The following IL1RAPL1 variants were observed in gnomAD, a reference collection of about 807,000 sequenced individuals.
The protein encoded by IL1RAPL1 is interleukin-1 receptor accessory protein-like 1.
Under a neutral mutation model 48.4 loss-of-function variants are expected in IL1RAPL1, and 3 were observed. That is an observed-to-expected ratio of 0.06 (90% confidence interval 0.03 to 0.16). The LOEUF (loss-of-function observed/expected upper bound fraction) is 0.16, where lower values mean the gene tolerates loss of function less well. IL1RAPL1 is among the 10% of genes least tolerant of loss of function. The pLI, the probability that IL1RAPL1 is intolerant of heterozygous loss-of-function variation, is 1.00. For synonymous variants in IL1RAPL1, 185 were observed against 187.7 expected (o/e 0.99, Z 0.12); for missense variants, 349 against 530.6 (o/e 0.66, Z 3.36).
At position 29,059,783 on chromosome X, in the gene IL1RAPL1, CACTT is replaced by C. The variant is rs773109750; in HGVS notation, c.83-223154_83-223151del. ...GTTGTGAATGAAATTTTTATTTACT[CACTT>C]GTTGATTTGGGAGAGCTATATGAAC... On this transcript the variant is annotated intron_variant, in intron 2 of 10. Coordinates refer to ENST00000378993, the MANE Select transcript of IL1RAPL1 (RefSeq NM_014271.4). Among the ~76,000 whole-genome samples the C allele has an allele frequency of 2.2e-3, 243 of 111,704 alleles. 1 individual carries two copies. Among genetic ancestry groups the C allele is most frequent in the Admixed American group, 3.8e-3 (40 of 10,520 alleles).
At chrX:28,943,221 C>G (rs1601969311) in intron 2 of IL1RAPL1, among the ~76,000 whole-genome samples, 1 of 104,372 alleles carries the variant, frequency 9.6e-6, no homozygotes, top group African/African-American at 3.5e-5. Context: ...AAACTCATCA[C>G]AGCAAGTGGA....
At chrX:29,610,872 G>A (rs969895316) in intron 5 of IL1RAPL1, among the ~76,000 whole-genome samples, 2 of 112,002 alleles carry the variant, frequency 1.8e-5, no homozygotes, top group African/African-American at 6.5e-5. Context: ...TCTGCACATG[G>A]CTAAGTGTTG....
At chrX:28,726,831 T>C (rs1935682630) in intron 1 of IL1RAPL1, among the ~76,000 whole-genome samples, 1 of 111,533 alleles carries the variant, frequency 9.0e-6, no homozygotes, top group East Asian at 2.8e-4. Flanking sequence ...ACCCCAGAGC[T>C]CTAGTGCCTG....
intron 5 of IL1RAPL1, among the ~76,000 whole-genome samples, chrX:29,550,629 T>A (rs1337874375): frequency 8.9e-6 from 1 of 111,819 alleles, no homozygotes; most frequent in African/African-American, 3.3e-5. Context: ...TGTTGACTTC[T>A]TCACTTAACT....
intron 2 of IL1RAPL1, among the ~76,000 whole-genome samples, chrX:29,047,961 C>G (rs1331793378): frequency 9.0e-6 from 1 of 111,003 alleles, no homozygotes; most frequent in Non-Finnish European, 1.9e-5. Context: ...ACATACCACC[C>G]TTGTATTGGA....
intron 5 of IL1RAPL1, among the ~76,000 whole-genome samples, chrX:29,439,680 A>G (rs1934520112): frequency 9.0e-6 from 1 of 110,850 alleles, no homozygotes; most frequent in African/African-American, 3.3e-5. Flanking sequence ...ATTTGGATTG[A>G]AAACTATAAA....
At chrX:29,033,526 G>A (rs1016274354) in intron 2 of IL1RAPL1, among the ~76,000 whole-genome samples, 4 of 110,855 alleles carry the variant, frequency 3.6e-5, no homozygotes, top group African/African-American at 1.3e-4. Context: ...GGAGAGTCTT[G>A]ATCTTAGAGG....
intron 2 of IL1RAPL1, among the ~76,000 whole-genome samples, chrX:29,033,062 TTAAA>T (rs1199021982): frequency 8.9e-6 from 1 of 111,979 alleles, no homozygotes; most frequent in Non-Finnish European, 1.9e-5. Flanking sequence ...TTAGCTATAA[TTAAA>T]TGAGAGCTAT....
At chrX:29,246,150 C>CTTTTTT (rs761809643) in intron 2 of IL1RAPL1, among the ~76,000 whole-genome samples, 2 of 52,029 alleles carry the variant, frequency 3.8e-5, no homozygotes, top group East Asian at 6.6e-4. Context: ...TCTCATCGCT[C>CTTTTTT]TTTTTTTTTT....
chrX:29,919,888 C>A, intron 7 of IL1RAPL1, 61 bp from the exon 8 acceptor site: 1 of 1,077,375 alleles, frequency 9.3e-7, no homozygotes, highest in Non-Finnish European at 1.3e-6. Flanking sequence ...ATCTACATTT[C>A]TTTCTTGTTT....
At chrX:29,136,747 G>T (rs1018245074) in intron 2 of IL1RAPL1, among the ~76,000 whole-genome samples, 4 of 111,800 alleles carry the variant, frequency 3.6e-5, no homozygotes, top group Non-Finnish European at 7.5e-5. Context: ...TTATGAATTT[G>T]CTTTGATTAT....
chrX:29,735,213 T>C (rs984227477), intron 6 of IL1RAPL1, among the ~76,000 whole-genome samples: 1 of 111,432 alleles, frequency 9.0e-6, no homozygotes, highest in African/African-American at 3.3e-5. Context: ...CCTTGGCTCA[T>C]GGTCTCTTCC....
intron 5 of IL1RAPL1, among the ~76,000 whole-genome samples, chrX:29,575,348 G>A (rs1213145855): frequency 9.0e-6 from 1 of 111,701 alleles, no homozygotes; most frequent in Admixed American, 9.5e-5. Context: ...GGCTCAGTCC[G>A]AGTCCAAAAA....
At chrX:29,683,210 G>A (rs1476068386) in intron 6 of IL1RAPL1, among the ~76,000 whole-genome samples, 2 of 111,867 alleles carry the variant, frequency 1.8e-5, no homozygotes, top group Admixed American at 9.5e-5. Context: ...ATCCACATAG[G>A]TGGCTAGGTA....
chrX:28,919,500 A>AT (rs1242932503), intron 2 of IL1RAPL1, among the ~76,000 whole-genome samples: 1 of 112,217 alleles, frequency 8.9e-6, no homozygotes, highest in Non-Finnish European at 1.9e-5. Context: ...CTATAGAGGA[A>AT]TTTTTTTAAA....
chrX:29,430,000 A>G (rs746778580), intron 5 of IL1RAPL1, among the ~76,000 whole-genome samples: 2 of 105,155 alleles, frequency 1.9e-5, no homozygotes, highest in South Asian at 8.8e-4. Context: ...TCTGGCCTCA[A>G]GCAGTCCTCC....
chrX:29,756,649 G>A (rs1282878461), intron 6 of IL1RAPL1, among the ~76,000 whole-genome samples: 1 of 111,517 alleles, frequency 9.0e-6, no homozygotes, highest in Non-Finnish European at 1.9e-5. Flanking sequence ...CCGACCTCAG[G>A]TGATCCACCC....
intron 5 of IL1RAPL1, among the ~76,000 whole-genome samples, chrX:29,468,061 A>G (rs770269387): frequency 4.5e-5 from 5 of 110,924 alleles, no homozygotes; most frequent in Non-Finnish European, 5.7e-5. Flanking sequence ...GGGTTTCACT[A>G]TGTTGCCCAG....
chrX:29,832,900 G>A (rs373154802), intron 6 of IL1RAPL1, among the ~76,000 whole-genome samples: 21 of 110,038 alleles, frequency 1.9e-4, no homozygotes, highest in Middle Eastern at 4.3e-3. Flanking sequence ...TTTGGTACAC[G>A]CTGCTCCTGT....
Sources: allele counts gnomAD v4.1 joint callset (sites outside exome capture counted in the v4.1 genomes callset), GRCh38; gene constraint gnomAD v4.1.1; transcripts MANE v1.5; gene names NCBI Gene and HGNC (gene_info 2026-07-23, HGNC 2026-07-21).